FAM118B: variants seen among roughly 807,000 people sequenced by gnomAD.
FAM118B encodes protein FAM118B.
FAM118B carries 24 observed loss-of-function variants against 38.5 expected under a neutral mutation model. The observed-to-expected ratio is 0.62, with a 90% CI of 0.45 to 0.88. The LOEUF is 0.88. Ranked by LOEUF, FAM118B falls within the 40% of genes least tolerant of loss-of-function variation. FAM118B has a pLI of 0.00. For missense variants in FAM118B, 334 were observed against 420.0 expected (o/e 0.80, Z 1.79); for synonymous variants, 138 against 156.3 (o/e 0.88, Z 0.87).
chr11:126,223,583 G>GGAA (rs755455692), intron 1 of FAM118B, among the ~76,000 whole-genome samples: 2 of 118,262 alleles, frequency 1.7e-5, no homozygotes, highest in African/African-American at 6.1e-5. Context: ...GCGAAAGAGC[G>GGAA]AAAAAAAAAA....
chr11:126,213,548 T>C (rs1464136294), intron 1 of FAM118B, among the ~76,000 whole-genome samples: 1 of 152,232 alleles, frequency 6.6e-6, no homozygotes, highest in Non-Finnish European at 1.5e-5. Flanking sequence ...ATTACTTAGA[T>C]ACTTGAAGCT....
At chr11:126,224,333 T>G (rs569739977) in intron 1 of FAM118B, among the ~76,000 whole-genome samples, 2 of 151,888 alleles carry the variant, frequency 1.3e-5, no homozygotes, top group Non-Finnish European at 2.9e-5. Context: ...ATTAGCCGGG[T>G]ATGGTGGCAT....
At position 126,255,626 on chromosome 11, in the gene FAM118B, A is replaced by G. The variant is rs1316601411; in HGVS notation, c.697-941A>G. ...GCAAATATGGTCCAGAAATGGAAGGATTAAGATATATGAAGACCTACTCTT... is the reference window on the plus strand; with the variant it reads ...GCAAATATGGTCCAGAAATGGAAGGGTTAAGATATATGAAGACCTACTCTT... On this transcript the variant is annotated intron_variant, in intron 6 of 8. Coordinates refer to ENST00000533050, the MANE Select transcript of FAM118B (RefSeq NM_024556.4). The surrounding 1 kb of genome is among the most constrained non-coding windows in gnomAD (Gnocchi z 4.6). 6.6e-6 allele frequency among the ~76,000 whole-genome samples: 1 copy of G among 152,218 alleles called. No individual in the cohort carries two copies. Among genetic ancestry groups the G allele is most frequent in the Non-Finnish European group, 1.5e-5 (1 of 68,032 alleles).
intron 2 of FAM118B, among the ~76,000 whole-genome samples, chr11:126,229,512 G>A (rs1294255091): frequency 6.6e-6 from 1 of 151,960 alleles, no homozygotes; most frequent in Non-Finnish European, 1.5e-5. Context: ...GCGCCATCTC[G>A]GCTACCTGCA....
chr11:126,212,617 C>T (rs1949900485), intron 1 of FAM118B, among the ~76,000 whole-genome samples: 1 of 152,186 alleles, frequency 6.6e-6, no homozygotes, highest in African/African-American at 2.4e-5. Flanking sequence ...AAAGAATGTC[C>T]TGAAAACTAA....
At position 126,235,641 on chromosome 11, in the gene FAM118B, C is replaced by T. The variant is rs145913645; in HGVS notation, c.86+554C>T. Among the ~76,000 whole-genome samples, 158 of 152,296 alleles carry T rather than the reference C, an allele frequency of 1.0e-3. 1 individual carries two copies. The highest frequency in any genetic ancestry group is 3.7e-3 in the African/African-American group (152 of 41,556). ...TCAAGAAATTCTCCTGCCTCAGCCT[C>T]CTGAGTAGCTGAGATCACAGGTGCC... On this transcript the variant is annotated intron_variant, in intron 3 of 8. Transcript: ENST00000533050.
At chr11:126,222,801 G>A (rs1049200326) in intron 1 of FAM118B, among the ~76,000 whole-genome samples, 2 of 152,162 alleles carry the variant, frequency 1.3e-5, no homozygotes, top group Admixed American at 6.5e-5. Context: ...CTTCTGCACC[G>A]TATACACACT....
chr11:126,243,194 G>C (rs902588821), intron 4 of FAM118B, among the ~76,000 whole-genome samples: 2 of 152,370 alleles, frequency 1.3e-5, no homozygotes, highest in African/African-American at 2.4e-5. Context: ...GACAGGGCTA[G>C]AGGAAATTCT....
rs561791576 is a variant in FAM118B at position 126,252,330 on chromosome 11, C to T, written c.567+1597C>T. ...TTTATCTGTTTTCTGACTGTTTACC[C>T]CATAGGAATAGTAACTTCACTTGGA... On this transcript the variant is annotated intron_variant, in intron 5 of 8. Transcript: ENST00000533050. The surrounding 1 kb of genome is among the most constrained non-coding windows in gnomAD (Gnocchi z 4.7). Among the ~76,000 whole-genome samples the T allele has an allele frequency of 6.6e-6, 1 of 152,276 alleles. No homozygotes were observed. The highest frequency in any genetic ancestry group is 1.9e-4 in the East Asian group (1 of 5,184).
rs1950688240 is a variant in FAM118B at position 126,261,155 on chromosome 11, G to GTA, written c.983-270_983-269insTA. The GTA allele has an allele frequency of 1.5e-4, 54 of 364,994 alleles. 1 individual carries two copies. Among genetic ancestry groups the GTA allele is most frequent in the Non-Finnish European group, 2.1e-4 (41 of 197,806 alleles). The allele number at this position is 364,994 out of a possible 1,614,324, so 22.6% of individuals were successfully genotyped here. A position where few individuals can be genotyped will look rare whatever the true frequency, so the allele number is the denominator to read the frequency against. ...CAGCAGACACATGTTGCCTGTATGT[G>GTA]AAATGTAAAATGTAAAATGTAAAAT... On this transcript the variant is annotated intron_variant, in intron 7 of 8. Coordinates refer to ENST00000533050, the MANE Select transcript of FAM118B (RefSeq NM_024556.4).
intron 4 of FAM118B, among the ~76,000 whole-genome samples, chr11:126,247,947 T>G (rs1408658354): frequency 6.9e-6 from 1 of 145,696 alleles, no homozygotes; most frequent in Admixed American, 7.0e-5. Context: ...ATTTTTGTAC[T>G]CTGACTCACA....
chr11:126,239,146 TC>T (rs1227836007), intron 3 of FAM118B, among the ~76,000 whole-genome samples: 9 of 151,908 alleles, frequency 5.9e-5, no homozygotes, highest in African/African-American at 2.2e-4. Flanking sequence ...TTTCGTTCTT[TC>T]TTTGTTTGGC....
Position 126,262,266 on chromosome 11 carries a change from T to A in FAM118B, c.*133T>A. 1 of 910,194 alleles carries A rather than the reference T, an allele frequency of 1.1e-6. No individual in the cohort carries two copies. Among genetic ancestry groups the A allele is most frequent in the Non-Finnish European group, 1.8e-6 (1 of 567,028 alleles). 56.4% of individuals were successfully genotyped at this position (910,194 alleles called of 1,614,324 possible). A position where few individuals can be genotyped will look rare whatever the true frequency, so the allele number is the denominator to read the frequency against. On this transcript the variant is annotated 3_prime_UTR_variant, in exon 9 of 9. Coordinates refer to ENST00000533050, the MANE Select transcript of FAM118B (RefSeq NM_024556.4). ...AATAGCCAGAGGTTGAAGGGCGGGGTAGAAGAGGGGGGAATGTTGCAGCGT... is the reference window on the plus strand; with the variant it reads ...AATAGCCAGAGGTTGAAGGGCGGGGAAGAAGAGGGGGGAATGTTGCAGCGT...
At chr11:126,243,701 C>T (rs965562233) in intron 4 of FAM118B, among the ~76,000 whole-genome samples, 10 of 151,890 alleles carry the variant, frequency 6.6e-5, no homozygotes, top group African/African-American at 2.4e-4. Flanking sequence ...GTCAGGAGTT[C>T]GAGATCAGCC....
In FAM118B at chr11:126,212,258, C is replaced by A. The variant is rs74875247; in HGVS notation, c.-77+428C>A. ...TATCCAGGGCCCCCAGCACCTATTT[C>A]CTACTTAGGAAGCACTGTGAGTGTT... On this transcript the variant is annotated intron_variant, in intron 1 of 8. Coordinates refer to ENST00000533050, the MANE Select transcript of FAM118B (RefSeq NM_024556.4). Among the ~76,000 whole-genome samples the A allele has an allele frequency of 4.4e-3, 675 of 152,354 alleles. 2 individuals carry two copies. The highest frequency in any genetic ancestry group is 0.015 in the African/African-American group (612 of 41,578).
chr11:126,245,677 T>G (rs1333729934), intron 4 of FAM118B, among the ~76,000 whole-genome samples: 1 of 147,564 alleles, frequency 6.8e-6, no homozygotes, highest in Non-Finnish European at 1.5e-5. Flanking sequence ...CTGGGCAACA[T>G]AGTGAGACCC....
At chr11:126,218,090 G>A (rs1227371589) in intron 1 of FAM118B, among the ~76,000 whole-genome samples, 1 of 152,122 alleles carries the variant, frequency 6.6e-6, no homozygotes, top group Non-Finnish European at 1.5e-5. Context: ...CTCTAGTTCC[G>A]GGATGTTTTC....
At chr11:126,257,686 AGT>A (rs1488900144) in intron 7 of FAM118B, among the ~76,000 whole-genome samples, 1 of 151,906 alleles carries the variant, frequency 6.6e-6, no homozygotes, top group Non-Finnish European at 1.5e-5. Context: ...TAGGATTTAA[AGT>A]GTTGATTTTT....
In FAM118B at chr11:126,244,213, G is replaced by A. The variant is rs1000724092; in HGVS notation, c.339+3169G>A. ...AAGGCTGTTTTCCCACTCCACTCCT[G>A]TCCAACATGGTGCTGGATGTTCTAG... On this transcript the variant is annotated intron_variant, in intron 4 of 8. Transcript: ENST00000533050. The surrounding 1 kb of genome is among the most constrained non-coding windows in gnomAD (Gnocchi z 4.5). 6.6e-6 allele frequency among the ~76,000 whole-genome samples: 1 copy of A among 152,138 alleles called. No homozygotes were observed. The highest frequency in any genetic ancestry group is 1.5e-5 in the Non-Finnish European group (1 of 68,022).
Sources: allele counts gnomAD v4.1 joint callset (sites outside exome capture counted in the v4.1 genomes callset), GRCh38; gene constraint gnomAD v4.1.1; non-coding constraint Gnocchi (gnomAD v3.1); transcripts MANE v1.5; gene names NCBI Gene and HGNC (gene_info 2026-07-23, HGNC 2026-07-21).